PHKA2: variants seen among roughly 807,000 people sequenced by gnomAD.
PHKA2 encodes phosphorylase kinase regulatory subunit alpha 2.
In PHKA2, 31 loss-of-function variants were observed where a neutral mutation model predicts 102.0. The observed-to-expected ratio is 0.30, with a 90% CI of 0.23 to 0.41. The LOEUF is 0.41. Among genes scored for constraint, PHKA2 ranks in the 10% least tolerant of loss-of-function variants. The pLI is 1.00. For missense variants in PHKA2, 858 were observed against 1,023.1 expected (o/e 0.84, Z 2.20); for synonymous variants, 455 against 416.2 (o/e 1.09, Z -1.13).
chrX:18,940,059 A>G lies in PHKA2; in HGVS notation c.865-11T>C, dbSNP rs780296845. 35 of 1,176,244 alleles carry G rather than the reference A, an allele frequency of 3.0e-5. No homozygotes were observed. Among genetic ancestry groups the G allele is most frequent in the Non-Finnish European group, 3.5e-5 (30 of 864,430 alleles). On this transcript the variant is annotated splice_polypyrimidine_tract_variant and intron_variant, in intron 8 of 32. Transcript: ENST00000379942. ...GCATCCATAACGCCCCTAATAAGAG[A>G]AAGTACATTCGATGAGCTCAGAGAA...
intron 1 of PHKA2, among the ~76,000 whole-genome samples, chrX:18,962,223 C>T (rs1274791103): frequency 9.0e-6 from 1 of 111,328 alleles, no homozygotes; most frequent in Non-Finnish European, 1.9e-5. Flanking sequence ...CAGAAGAAGG[C>T]AGAGATGTTG....
In PHKA2 at chrX:18,893,578, C is replaced by G. The variant is rs200550207; in HGVS notation, c.3615G>C (p.Pro1205=). ...AGGTCATCGTCCCATAAGCCCCACT[C>G]GGAGCGCTGTCATAAAAGAAGTGGC... ...GICHFFYDSA[P]SGAYGTMTYL... Residue 1205 remains proline (P), a synonymous_variant, in exon 33 of 33, where the codon CCG becomes CCC. Coordinates refer to ENST00000379942, the MANE Select transcript of PHKA2 (RefSeq NM_000292.3). 2.0e-5 allele frequency: 24 copies of G among 1,210,006 alleles called. No individual in the cohort carries two copies. In the Admixed American group the frequency reaches 3.7e-4, roughly 19 times the overall value.
At chrX:18,901,861 G>A (rs2047689066) in intron 26 of PHKA2, among the ~76,000 whole-genome samples, 2 of 108,279 alleles carry the variant, frequency 1.8e-5, no homozygotes, top group South Asian at 4.1e-4. Context: ...TTTTTTTTCC[G>A]AGACGGAGTC....
chrX:18,914,899 A>C (rs1349973432), intron 19 of PHKA2, among the ~76,000 whole-genome samples: 1 of 111,608 alleles, frequency 9.0e-6, no homozygotes, highest in Non-Finnish European at 1.9e-5. Flanking sequence ...AGCGAGGAGG[A>C]GCAGGGCATT....
intron 2 of PHKA2, 125 bp from the exon 3 acceptor site, chrX:18,952,666 G>C (rs907542488): frequency 4.1e-5 from 24 of 579,444 alleles, no homozygotes; most frequent in Admixed American, 1.8e-4. Context: ...CCAGTCCCGA[G>C]CCTACGTGAG....
Position 18,899,191 on chromosome X carries a change from C to T in PHKA2, c.3093G>A (p.Ala1031=). The T allele has an allele frequency of 3.3e-6, 4 of 1,209,552 alleles. No individual in the cohort carries two copies. The highest frequency in any genetic ancestry group is 1.7e-5 in the African/African-American group (1 of 57,810). ...CTGTTACCGCAGACTTGGAGGAATG[C>T]GCACTGCTGGACGCGGCCTGGCCCA... ...FSVGQAASSS[A]HSSKSARSST... The change falls in exon 29 of 33, where the codon GCG becomes GCA. Residue 1031 remains alanine, a synonymous_variant. Transcript: ENST00000379942.
chrX:18,902,309 G>C (rs2047703456), intron 26 of PHKA2, among the ~76,000 whole-genome samples: 1 of 107,973 alleles, frequency 9.3e-6, no homozygotes, highest in Non-Finnish European at 1.9e-5. Flanking sequence ...CTAATTTTTT[G>C]TATGTTTTGT....
intron 1 of PHKA2, 95 bp downstream of exon 1, chrX:18,983,760 A>G (rs1295014242): frequency 1.4e-6 from 1 of 735,348 alleles, no homozygotes; most frequent in African/African-American, 2.1e-5. Context: ...TCTTAATTGC[A>G]AGGTCTCAGG....
chrX:18,948,510 A>T lies in PHKA2; in HGVS notation c.537+234T>A, dbSNP rs188718120. 3.1e-3 allele frequency among the ~76,000 whole-genome samples: 350 copies of T among 112,137 alleles called. 1 individual carries two copies. Among genetic ancestry groups the T allele is most frequent in the African/African-American group, 0.011 (325 of 30,864 alleles). On this transcript the variant is annotated intron_variant, in intron 5 of 32. Coordinates refer to ENST00000379942, the MANE Select transcript of PHKA2 (RefSeq NM_000292.3). ...ATAAACAAAATAAATAAAAAAATAT[A>T]ACAAGCATAATGGATTCAGACAGAG...
chrX:18,910,015 G>T (rs1238611875), intron 20 of PHKA2, among the ~76,000 whole-genome samples: 1 of 112,769 alleles, frequency 8.9e-6, no homozygotes. Context: ...CACTGAGTCT[G>T]TTCGTGTGGG....
chrX:18,900,901 G>C (rs891075399), intron 27 of PHKA2, among the ~76,000 whole-genome samples: 10 of 111,068 alleles, frequency 9.0e-5, no homozygotes, highest in Non-Finnish European at 1.3e-4. Context: ...CTCATGGTCA[G>C]AGGGAAACTC....
At chrX:18,979,498 CTG>C (rs1245202742) in intron 1 of PHKA2, among the ~76,000 whole-genome samples, 28 of 111,716 alleles carry the variant, frequency 2.5e-4, no homozygotes, top group African/African-American at 8.4e-4. Flanking sequence ...CTTCAAACAG[CTG>C]TTAGTGAAAA....
chrX:18,947,160 T>G (rs1569323558), intron 5 of PHKA2, among the ~76,000 whole-genome samples: 1 of 112,219 alleles, frequency 8.9e-6, no homozygotes, highest in Admixed American at 9.5e-5. Flanking sequence ...TGTCTATGGC[T>G]GCTTTCATGC....
chrX:18,909,422 G>C (rs1289847934), intron 20 of PHKA2, among the ~76,000 whole-genome samples: 1 of 112,034 alleles, frequency 8.9e-6, no homozygotes, highest in African/African-American at 3.2e-5. Context: ...TTTCAGAAAG[G>C]GGTAGCTGAC....
At chrX:18,966,181 G>A (rs1392284367) in intron 1 of PHKA2, among the ~76,000 whole-genome samples, 9 of 104,211 alleles carry the variant, frequency 8.6e-5, no homozygotes, top group Non-Finnish European at 1.6e-4. Flanking sequence ...TCCACCTCCC[G>A]GATTCAAGCA....
At chrX:18,946,676 C>T (rs1480838293) in intron 5 of PHKA2, among the ~76,000 whole-genome samples, 7 of 110,309 alleles carry the variant, frequency 6.3e-5, no homozygotes, top group Non-Finnish European at 9.5e-5. Flanking sequence ...GAGCCTGTTC[C>T]TGCCTCTGGG....
intron 3 of PHKA2, 120 bp downstream of exon 3, chrX:18,952,374 T>C (rs2048711261): frequency 2.2e-6 from 1 of 457,489 alleles, no homozygotes; most frequent in Admixed American, 3.4e-5. Context: ...GTAAGCAAAA[T>C]ATTTTCAATT....
chrX:18,893,633 G>T lies in PHKA2; in HGVS notation c.3560C>A (p.Thr1187Asn), dbSNP rs775556050. 1.3e-5 allele frequency: 16 copies of T among 1,210,045 alleles called. No homozygotes were observed. The highest frequency in any genetic ancestry group is 3.5e-5 in the African/African-American group (2 of 57,396). Reference protein sequence around the residue: ...QDQVSIGAMDTLEKDQATGIC... With the variant: ...QDQVSIGAMDNLEKDQATGIC... Reference sequence around the variant, plus strand: ...TCCTGTGGCTTGGTCTTTCTCCAGGGTGTCCATGGCACCAATTGACACCTG... The same window carrying T: ...TCCTGTGGCTTGGTCTTTCTCCAGGTTGTCCATGGCACCAATTGACACCTG... Residue 1187 changes from threonine to asparagine, a missense_variant, in exon 33 of 33, where the codon ACC becomes AAC. Around this residue, in one of 2 missense-constraint regions of PHKA2, gnomAD observed 671 missense variants for 745.2 expected, o/e 0.90. Coordinates refer to ENST00000379942, the MANE Select transcript of PHKA2 (RefSeq NM_000292.3).
At chrX:18,978,301 T>A (rs1381965535) in intron 1 of PHKA2, among the ~76,000 whole-genome samples, 1 of 112,219 alleles carries the variant, frequency 8.9e-6, no homozygotes, top group Non-Finnish European at 1.9e-5. Context: ...TATTTGCATC[T>A]TATTTTGTAC....
Sources: gnomAD v4.1 joint callset for allele counts (sites outside exome capture counted in the v4.1 genomes callset) on GRCh38, gnomAD v4.1.1 for gene constraint, gnomAD v4.1.1 regional missense constraint, MANE v1.5 for transcripts, NCBI Gene and HGNC (gene_info 2026-07-23, HGNC 2026-07-21) for gene names.